Variants in MRPS6 observed in about 807,000 individuals in gnomAD.
The protein encoded by MRPS6 is small ribosomal subunit protein bS6m.
In MRPS6, 6 loss-of-function variants were observed where a neutral mutation model predicts 13.1. The observed-to-expected ratio is 0.46, with a 90% CI of 0.25 to 0.91. The LOEUF is 0.91. Among genes scored for constraint, MRPS6 ranks in the 40% least tolerant of loss-of-function variants. MRPS6 has a pLI of 0.18. For synonymous variants in MRPS6, 61 were observed against 56.5 expected, an observed-to-expected ratio of 1.08 and a Z score of -0.36; for missense variants, 164 against 155.6, an observed-to-expected ratio of 1.05 and a Z score of -0.29.
intron 1 of MRPS6, chr21:34,099,596 GT>G (rs1277591867): frequency 1.0e-6 from 1 of 999,370 alleles, no homozygotes; most frequent in African/African-American, 1.8e-5. Context: ...AATAGGAGGT[GT>G]TTGTGATTTT....
chr21:34,114,917 C>T (rs1035572288), intron 1 of MRPS6, among the ~76,000 whole-genome samples: 6 of 152,088 alleles, frequency 3.9e-5, no homozygotes, highest in Non-Finnish European at 5.9e-5. Context: ...TAAATTTATT[C>T]GCTCATAGCC....
intron 1 of MRPS6, chr21:34,106,123 T>G: frequency 1.0e-6 from 1 of 997,490 alleles, no homozygotes; most frequent in Non-Finnish European, 1.2e-6. Context: ...TCAAAAGTAT[T>G]TGGAAACTTA....
In MRPS6 at chr21:34,096,226, G is replaced by T; in HGVS notation, c.45+22481G>T. On this transcript the variant is annotated intron_variant, in intron 1 of 2. Coordinates refer to ENST00000399312, the MANE Select transcript of MRPS6 (RefSeq NM_032476.4). The surrounding 1 kb of genome is among the most constrained non-coding windows in gnomAD (Gnocchi z 5.9). ...CACTGCATGCTGGTGTGTGGAAGCA[G>T]AGCTGGTTGCTCCAATATTGCTTAC... is the stretch of plus-strand genomic sequence containing the variant. 1 of 1,614,192 alleles carries T rather than the reference G, an allele frequency of 6.2e-7. No individual in the cohort carries two copies. The highest frequency in any genetic ancestry group is 8.5e-7 in the Non-Finnish European group (1 of 1,180,024).
At chr21:34,088,798 A>G (rs1602918312) in intron 1 of MRPS6, among the ~76,000 whole-genome samples, 1 of 152,170 alleles carries the variant, frequency 6.6e-6, no homozygotes, top group African/African-American at 2.4e-5. Flanking sequence ...CATGATTGTT[A>G]TAAGGATTAA....
At chr21:34,097,120 A>G in intron 1 of MRPS6, 5 of 1,614,040 alleles carry the variant, frequency 3.1e-6, no homozygotes, top group Non-Finnish European at 4.2e-6. Flanking sequence ...CTCATGGGTG[A>G]GAAAGAGAGA....
At chr21:34,129,010 C>A (rs1202261841) in intron 2 of MRPS6, among the ~76,000 whole-genome samples, 1 of 152,182 alleles carries the variant, frequency 6.6e-6, no homozygotes. Context: ...GATTACCTCC[C>A]CTTTGTGTCT....
At chr21:34,110,370 C>A (rs939158144) in intron 1 of MRPS6, among the ~76,000 whole-genome samples, 3 of 152,010 alleles carry the variant, frequency 2.0e-5, no homozygotes, top group Non-Finnish European at 4.4e-5. Context: ...AGGCCAGCTA[C>A]TCAAGAGGCC....
rs1979786974 is a variant in MRPS6, at chr21:34,113,495, G to A, written c.46-11846G>A. Among the ~76,000 whole-genome samples the A allele has an allele frequency of 2.6e-5, 4 of 152,136 alleles. No individual in the cohort carries two copies. The South Asian group carries it at 8.3e-4, about 31-fold the overall frequency. On this transcript the variant is annotated intron_variant, in intron 1 of 2. Coordinates refer to ENST00000399312, the MANE Select transcript of MRPS6 (RefSeq NM_032476.4). The stretch of plus-strand genomic sequence containing the variant: ...ACAACATATGATTTCCCTCATATGT[G>A]GCATCTGAAAAAGTAGCTGAATCTT...
At chr21:34,098,929 C>G in intron 1 of MRPS6, 1 of 988,456 alleles carries the variant, frequency 1.0e-6, no homozygotes, top group South Asian at 4.7e-5. Context: ...CATGATTTTA[C>G]TAGGCTTGTA....
At chr21:34,098,387 GAT>G in intron 1 of MRPS6, 1 of 1,000,216 alleles carries the variant, frequency 1.0e-6, no homozygotes, top group South Asian at 4.7e-5. Flanking sequence ...ATTAGATCAT[GAT>G]ATATCAAGGT....
intron 1 of MRPS6, among the ~76,000 whole-genome samples, chr21:34,120,977 A>T (rs1980097766): frequency 6.6e-6 from 1 of 152,086 alleles, no homozygotes; most frequent in African/African-American, 2.4e-5. Flanking sequence ...TAAGCAAGAG[A>T]CCCTCTTAAA....
chr21:34,135,716 C>T (rs1372566036), intron 2 of MRPS6: 3 of 406,910 alleles, frequency 7.4e-6, no homozygotes, highest in Non-Finnish European at 5.0e-6. Flanking sequence ...TTCACCAGGA[C>T]CTGGAGGTGA....
intron 1 of MRPS6, among the ~76,000 whole-genome samples, chr21:34,076,672 A>C (rs1989339937): frequency 2.0e-5 from 3 of 152,252 alleles, no homozygotes; most frequent in African/African-American, 4.8e-5. Context: ...TTTCTGTTTT[A>C]GCGTGAAAAG....
chr21:34,124,268 T>G (rs1980223131), intron 1 of MRPS6: 1 of 152,258 alleles, frequency 6.6e-6, no homozygotes, highest in South Asian at 2.1e-4. Context: ...GTAGTGACAG[T>G]TGCACTCTCT....
At chr21:34,102,155 G>T in intron 1 of MRPS6, 1 of 1,000,090 alleles carries the variant, frequency 1.0e-6, no homozygotes, top group Non-Finnish European at 1.2e-6. Flanking sequence ...ACTGTCCTTT[G>T]TTGGAATACT....
chr21:34,105,419 C>T (rs923119049), intron 1 of MRPS6: 1 of 998,450 alleles, frequency 1.0e-6, no homozygotes, highest in Non-Finnish European at 1.2e-6. Flanking sequence ...GAAATTGCTT[C>T]ATTCATTCAT....
intron 1 of MRPS6, chr21:34,098,211 G>A (rs1294037329): frequency 2.0e-6 from 2 of 999,308 alleles, no homozygotes; most frequent in South Asian, 4.7e-5. Flanking sequence ...ATTAACTTAT[G>A]CTAATCAGAT....
rs1234741511 is a variant in MRPS6, at chr21:34,101,990, T to C, written c.46-23351T>C. 6 of 999,974 alleles carry C rather than the reference T, an allele frequency of 6.0e-6. No homozygotes were observed. In the African/African-American group the frequency reaches 8.7e-5, roughly 15 times the overall value. The allele number at this position is 999,974 out of a possible 1,614,324, so 61.9% of individuals were successfully genotyped here. A position where few individuals can be genotyped will look rare whatever the true frequency, so the allele number is the denominator to read the frequency against. On this transcript the variant is annotated intron_variant, in intron 1 of 2. Transcript: ENST00000399312. ...GTTTTTTTGCAGTAAAAGTAAAAATTTGGAATTAGTTGGCATATAGAGGAA... is the reference window on the plus strand; with the variant it reads ...GTTTTTTTGCAGTAAAAGTAAAAATCTGGAATTAGTTGGCATATAGAGGAA...
At chr21:34,139,018 G>A (rs1220638032) in intron 2 of MRPS6, among the ~76,000 whole-genome samples, 2 of 151,586 alleles carry the variant, frequency 1.3e-5, no homozygotes, top group African/African-American at 4.9e-5. Context: ...TAAAAATGAT[G>A]AGTTCATGTC....
Sources: allele counts gnomAD v4.1 joint callset (sites outside exome capture counted in the v4.1 genomes callset), GRCh38; gene constraint gnomAD v4.1.1; non-coding constraint Gnocchi (gnomAD v3.1); transcripts MANE v1.5; gene names NCBI Gene and HGNC (gene_info 2026-07-23, HGNC 2026-07-21).